ANKAR: variants seen among roughly 807,000 people sequenced by gnomAD.
ANKAR encodes the protein ankyrin and armadillo repeat containing, also known as ankyrin and armadillo repeat-containing protein.
Under a neutral mutation model 146.2 loss-of-function variants are expected in ANKAR, and 136 were observed. That is an observed-to-expected ratio of 0.93 (90% CI 0.81 to 1.07). ANKAR has a LOEUF of 1.07. ANKAR is among the 50% of genes least tolerant of loss of function. The pLI is 0.00. For synonymous variants in ANKAR, 500 were observed against 575.8 expected, an observed-to-expected ratio of 0.87 and a Z score of 1.88; for missense variants, 1,567 against 1,679.9, an observed-to-expected ratio of 0.93 and a Z score of 1.18.
intron 10 of ANKAR, among the ~76,000 whole-genome samples, chr2:189,713,488 C>G (rs1206968637): frequency 1.3e-5 from 2 of 152,102 alleles, no homozygotes; most frequent in East Asian, 3.9e-4. Context: ...AATTTTCAAC[C>G]CAGAATTTCA....
At chr2:189,723,025 T>C (rs2041483612) in intron 12 of ANKAR, among the ~76,000 whole-genome samples, 3 of 152,250 alleles carry the variant, frequency 2.0e-5, no homozygotes, top group Admixed American at 2.0e-4. Context: ...TTTTTCCTTT[T>C]AGGTAAGCCT....
intron 17 of ANKAR, among the ~76,000 whole-genome samples, chr2:189,737,273 C>T (rs1293187114): frequency 6.6e-6 from 1 of 151,972 alleles, no homozygotes; most frequent in Non-Finnish European, 1.5e-5. Flanking sequence ...ATATCTCTGG[C>T]AAGCAGACTA....
At chr2:189,711,964 T>A (rs1011881809) in intron 10 of ANKAR, among the ~76,000 whole-genome samples, 9 of 152,076 alleles carry the variant, frequency 5.9e-5, no homozygotes, top group Non-Finnish European at 1.0e-4. Context: ...GCTCGGCAGG[T>A]CCCACACTGA....
chr2:189,689,595 A>G lies in ANKAR; in HGVS notation c.670A>G (p.Thr224Ala), dbSNP rs2036113953. 1 of 1,613,282 alleles carries G rather than the reference A, an allele frequency of 6.2e-7. No homozygotes were observed. The highest frequency in any genetic ancestry group is 1.7e-4 in the Middle Eastern group (1 of 6,054). ...TGATGAAGACGTGAATGAAGATCCA[A>G]CATATGATCCCAACAGCCCTGAAGA... is the stretch of plus-strand genomic sequence containing the variant. Reference protein sequence around the residue: ...IYDEDVNEDPTYDPNSPEETA... With the variant: ...IYDEDVNEDPAYDPNSPEETA... The change falls in exon 3 of 23, where the codon ACA (threonine) becomes GCA (alanine). Residue 224 changes from threonine to alanine, a missense_variant. Coordinates refer to ENST00000684021, the MANE Select transcript of ANKAR (RefSeq NM_001378068.1).
intron 18 of ANKAR, among the ~76,000 whole-genome samples, chr2:189,758,411 A>AC (rs1341534893): frequency 2.0e-5 from 3 of 150,686 alleles, no homozygotes; most frequent in Admixed American, 2.0e-4. Flanking sequence ...GTAGCACCTC[A>AC]CCCCCCCTCT....
intron 21 of ANKAR, among the ~76,000 whole-genome samples, chr2:189,743,698 C>T (rs1366360993): frequency 6.6e-6 from 1 of 152,174 alleles, no homozygotes; most frequent in African/African-American, 2.4e-5. Context: ...TCTTAGAGAT[C>T]CTCTCTGGCC....
chr2:189,743,617 AC>A, intron 21 of ANKAR, 143 bp downstream of exon 21: 1 of 773,576 alleles, frequency 1.3e-6, no homozygotes, highest in Non-Finnish European at 2.0e-6. Flanking sequence ...ATTCTAAATG[AC>A]CACTGCCACA....
intron 13 of ANKAR, 83 bp from the exon 14 acceptor site, chr2:189,728,184 C>A: frequency 4.7e-6 from 7 of 1,494,692 alleles, no homozygotes; most frequent in East Asian, 2.4e-5. Flanking sequence ...TAAACCAATT[C>A]TAGAATAAAC....
chr2:189,752,607 C>G (rs1042737427), intron 18 of ANKAR: 4 of 1,594,998 alleles, frequency 2.5e-6, no homozygotes, highest in African/African-American at 2.7e-5. Context: ...CAGGCTTTGT[C>G]TTAAGTAATG....
chr2:189,759,405 C>A (rs182150004), intron 18 of ANKAR, among the ~76,000 whole-genome samples: 1 of 152,160 alleles, frequency 6.6e-6, no homozygotes, highest in Admixed American at 6.6e-5. Context: ...TCCGCCACCA[C>A]GCCTGGCTAA....
At position 189,708,029 on chromosome 2, in the gene ANKAR, A is replaced by G. The variant is rs72903420; in HGVS notation, c.2119+883A>G. On this transcript the variant is annotated intron_variant, in intron 9 of 22. Transcript: ENST00000684021. ...AAGGCTAGAATTCTCCTTCAGAAAT[A>G]GAAAGGAGAGGGACCCGGGAAACTG... Among the ~76,000 whole-genome samples, 559 of 152,318 alleles carry G rather than the reference A, an allele frequency of 3.7e-3. 5 individuals are homozygous for G. The highest frequency in any genetic ancestry group is 0.01 in the Middle Eastern group (3 of 294).
At chr2:189,747,489 A>T (rs1426248746), downstream of ANKAR, among the ~76,000 whole-genome samples, 1 of 152,190 alleles carries the variant, frequency 6.6e-6, no homozygotes, top group Non-Finnish European at 1.5e-5. Flanking sequence ...GTACATGAGT[A>T]TGGCTTTTGT....
At chr2:189,676,308 G>T (rs893992341) in intron 1 of ANKAR, 148 bp from the exon 2 acceptor site, 11 of 602,076 alleles carry the variant, frequency 1.8e-5, no homozygotes, top group Non-Finnish European at 3.0e-5. Flanking sequence ...TTCATATACT[G>T]CAGTTATTTT....
intron 17 of ANKAR, among the ~76,000 whole-genome samples, chr2:189,734,478 G>A (rs1411870584): frequency 1.3e-5 from 2 of 152,086 alleles, no homozygotes; most frequent in East Asian, 3.9e-4. Context: ...GACTGTCACT[G>A]GTCCACGGGC....
chr2:189,750,508 A>T, downstream of ANKAR: 1 of 764,450 alleles, frequency 1.3e-6, no homozygotes, highest in Non-Finnish European at 2.2e-6. Flanking sequence ...CTACAATTTG[A>T]TACACAAAAC....
At chr2:189,711,194 G>A (rs778148665) in intron 10 of ANKAR, 41 bp downstream of exon 10, 1 of 1,430,040 alleles carries the variant, frequency 7.0e-7, no homozygotes, top group Non-Finnish European at 9.7e-7. Flanking sequence ...GCTATTTTAT[G>A]TAGAGCTATA....
intron 20 of ANKAR, among the ~76,000 whole-genome samples, chr2:189,742,784 C>A (rs2043460392): frequency 1.3e-5 from 2 of 151,118 alleles, no homozygotes; most frequent in Admixed American, 1.3e-4. Context: ...GCATCCACTA[C>A]CTTAGTTCAA....
At chr2:189,693,214 AT>A in intron 5 of ANKAR, 37 bp downstream of exon 5, 3 of 1,344,702 alleles carry the variant, frequency 2.2e-6, no homozygotes, top group Admixed American at 2.2e-5. Flanking sequence ...ATTAACTACA[AT>A]TTTTTGCACG....
At chr2:189,696,613 C>A (rs55761227) in intron 7 of ANKAR, among the ~76,000 whole-genome samples, 1 of 152,086 alleles carries the variant, frequency 6.6e-6, no homozygotes, top group South Asian at 2.1e-4. Context: ...TATAAGAGGG[C>A]AAAGATTTAG....
Sources: allele counts gnomAD v4.1 joint callset (sites outside exome capture counted in the v4.1 genomes callset), GRCh38; gene constraint gnomAD v4.1.1; transcripts MANE v1.5; gene names NCBI Gene and HGNC (gene_info 2026-07-23, HGNC 2026-07-21).